The following MAPK1IP1L variants were observed in gnomAD, a reference collection of about 807,000 sequenced individuals.
MAPK1IP1L encodes MAPK-interacting and spindle-stabilizing protein-like.
MAPK1IP1L carries 10 observed loss-of-function variants against 18.1 expected under a neutral mutation model. The ratio of observed to expected loss-of-function variants is 0.55; its 90% CI spans 0.34 to 0.94. MAPK1IP1L has a LOEUF of 0.94. Among genes scored for constraint, MAPK1IP1L ranks in the 40% least tolerant of loss-of-function variants. The pLI, the probability that MAPK1IP1L is intolerant of heterozygous loss-of-function variation, is 0.02. For missense variants in MAPK1IP1L, 260 were observed against 318.2 expected (o/e 0.82, Z 1.39); for synonymous variants, 115 against 117.3 (o/e 0.98, Z 0.13).
chr14:55,062,789 T>G lies in MAPK1IP1L; in HGVS notation c.190T>G (p.Phe64Val). 6.2e-7 allele frequency: 1 copy of G among 1,614,114 alleles called. No homozygotes were observed. Among genetic ancestry groups the G allele is most frequent in the Non-Finnish European group, 8.5e-7 (1 of 1,180,008 alleles). Reference protein sequence around the residue: ...PPSATPSTVPFGPAPTGMYPS... With the variant: ...PPSATPSTVPVGPAPTGMYPS... ...AAGTGCAACACCCTCCACTGTGCCT[T>G]TTGGACCAGCACCAACAGGAATGTA... Residue 64 changes from phenylalanine to valine, a missense_variant, in exon 3 of 4, where the codon TTT (phenylalanine) becomes GTT (valine). By Grantham distance (50) the Phe-to-Val change is conservative (BLOSUM62 -1). Transcript: ENST00000395468.
rs1461144103 is a variant in MAPK1IP1L at position 55,066,106 on chromosome 14, G to T, written c.*1479G>T. 6.6e-6 allele frequency: 1 copy of T among 152,108 alleles called. No homozygotes were observed. Among genetic ancestry groups the T allele is most frequent in the Non-Finnish European group, 1.5e-5 (1 of 67,994 alleles). The allele number at this position is 152,108 out of a possible 1,614,324, so 9.4% of individuals were successfully genotyped here. A position where few individuals can be genotyped will look rare whatever the true frequency, so the allele number is the denominator to read the frequency against. ...AATGTATCCATTGGATTTCTAAAAT[G>T]TATTGTGAATTTCTCAGACAAACAG... On this transcript the variant is annotated 3_prime_UTR_variant, in exon 4 of 4. Transcript: ENST00000395468.
chr14:55,060,296 C>G (rs1221337899), intron 1 of MAPK1IP1L: 1 of 150,750 alleles, frequency 6.6e-6, no homozygotes. Flanking sequence ...CTCAGCCTCC[C>G]AAGTAGCTGG....
rs919749230 is a variant in MAPK1IP1L, at chr14:55,067,416, C to A, written c.*2789C>A. On this transcript the variant is annotated 3_prime_UTR_variant, in exon 4 of 4. Coordinates refer to ENST00000395468, the MANE Select transcript of MAPK1IP1L (RefSeq NM_144578.4). The stretch of plus-strand genomic sequence containing the variant: ...TCAAGAAAGGCTTTTTTCCTTTTTT[C>A]TTTTTTTTTTGGAGACAGAGTCTTG... The A allele has an allele frequency of 2.0e-5, 3 of 146,464 alleles. No homozygotes were observed. The highest frequency in any genetic ancestry group is 3.0e-5 in the Non-Finnish European group (2 of 65,970). The allele number at this position is 146,464 out of a possible 1,614,324, so 9.1% of individuals were successfully genotyped here.
At chr14:55,062,254 C>T (rs1374012742) in intron 2 of MAPK1IP1L, among the ~76,000 whole-genome samples, 1 of 152,216 alleles carries the variant, frequency 6.6e-6, no homozygotes, top group Non-Finnish European at 1.5e-5. Flanking sequence ...GAGGCTCTAT[C>T]TCAGAGTATG....
At chr14:55,054,044 C>G (rs2042750997) in intron 1 of MAPK1IP1L, among the ~76,000 whole-genome samples, 1 of 151,862 alleles carries the variant, frequency 6.6e-6, no homozygotes, top group Non-Finnish European at 1.5e-5. Context: ...TGGTGGCACT[C>G]AAAAAGATTC....
chr14:55,053,518 T>G (rs991749844), intron 1 of MAPK1IP1L, among the ~76,000 whole-genome samples: 2 of 152,254 alleles, frequency 1.3e-5, no homozygotes, highest in South Asian at 2.1e-4. Context: ...TTTTTTAAAC[T>G]GCGTGCTTTT....
chr14:55,056,624 C>T (rs1337044277), intron 1 of MAPK1IP1L, among the ~76,000 whole-genome samples: 1 of 152,190 alleles, frequency 6.6e-6, no homozygotes, highest in Non-Finnish European at 1.5e-5. Flanking sequence ...ATTCTCTTGC[C>T]TCAGCCTCCT....
At chr14:55,052,554 C>T (rs2042739059) in intron 1 of MAPK1IP1L, among the ~76,000 whole-genome samples, 1 of 152,092 alleles carries the variant, frequency 6.6e-6, no homozygotes, top group Admixed American at 6.5e-5. Context: ...GGTAAAGATT[C>T]CAGTGTTAAA....
At chr14:55,058,559 G>A (rs902402379) in intron 1 of MAPK1IP1L, among the ~76,000 whole-genome samples, 9 of 152,136 alleles carry the variant, frequency 5.9e-5, no homozygotes, top group East Asian at 3.9e-4. Flanking sequence ...AGCCGGGTGC[G>A]GTGGCTCATG....
At chr14:55,061,599 G>T in intron 1 of MAPK1IP1L, 81 bp from the exon 2 acceptor site, 1 of 973,264 alleles carries the variant, frequency 1.0e-6, no homozygotes, top group Non-Finnish European at 1.5e-6. Context: ...TGCATAGAAA[G>T]TTCCTTAAGG....
Position 55,051,777 on chromosome 14 carries a change from C to G in MAPK1IP1L, c.-31C>G, listed in dbSNP as rs1289014178. 1 of 508,286 alleles carries G rather than the reference C, an allele frequency of 2.0e-6. No individual in the cohort carries two copies. The highest frequency in any genetic ancestry group is 3.9e-6 in the Non-Finnish European group (1 of 255,688). 31.5% of individuals were successfully genotyped at this position (508,286 alleles called of 1,614,324 possible). ...CCTCGGACCCATCGCCGCTTCTAGA[C>G]CCTACTGCGGTCTCGGATATTGCCG... On this transcript the variant is annotated 5_prime_UTR_variant, in exon 1 of 4. Coordinates refer to ENST00000395468, the MANE Select transcript of MAPK1IP1L (RefSeq NM_144578.4).
intron 1 of MAPK1IP1L, among the ~76,000 whole-genome samples, chr14:55,055,879 A>G (rs550158085): frequency 6.6e-6 from 1 of 152,306 alleles, no homozygotes; most frequent in East Asian, 1.9e-4. Flanking sequence ...GCAGTGAGTC[A>G]AGATCACACT....
At chr14:55,062,407 T>G (rs895508663) in intron 2 of MAPK1IP1L, among the ~76,000 whole-genome samples, 4 of 152,244 alleles carry the variant, frequency 2.6e-5, no homozygotes, top group African/African-American at 9.6e-5. Context: ...CGAGTTTCTC[T>G]GAAGAATTTG....
chr14:55,064,503 G>C lies in MAPK1IP1L; in HGVS notation c.727-113G>C, dbSNP rs576536182. ...CAAAGTGTATGCCAGAGTAAATGAT[G>C]TGACTTGCTGTTTGGATTTATTAAG... On this transcript the variant is annotated intron_variant, in intron 3 of 3. Transcript: ENST00000395468. 6.0e-6 allele frequency: 5 copies of C among 837,092 alleles called. No homozygotes were observed. The African/African-American group carries it at 8.5e-5, about 14-fold the overall frequency. 51.9% of individuals were successfully genotyped at this position (837,092 alleles called of 1,614,324 possible).
rs113594779 is a variant in MAPK1IP1L at position 55,055,431 on chromosome 14, C to T, written c.-5+3628C>T. On this transcript the variant is annotated intron_variant, in intron 1 of 3. Coordinates refer to ENST00000395468, the MANE Select transcript of MAPK1IP1L (RefSeq NM_144578.4). ...TGTTCCCCCTTATCCTAGGGGGACACATTGCAAGACTCCCCAATGAATCCC... is the reference window on the plus strand; with the variant it reads ...TGTTCCCCCTTATCCTAGGGGGACATATTGCAAGACTCCCCAATGAATCCC... Among the ~76,000 whole-genome samples the T allele has an allele frequency of 8.5e-5, 13 of 152,272 alleles. 1 individual carries two copies. The highest frequency in any genetic ancestry group is 2.9e-4 in the African/African-American group (12 of 41,556).
intron 1 of MAPK1IP1L, among the ~76,000 whole-genome samples, chr14:55,058,605 C>T (rs974681399): frequency 1.1e-4 from 17 of 152,060 alleles, no homozygotes; most frequent in African/African-American, 3.1e-4. Context: ...CTGAGGCGGG[C>T]GGATCACGTG....
intron 1 of MAPK1IP1L, among the ~76,000 whole-genome samples, chr14:55,061,307 A>C (rs1398191725): frequency 6.6e-6 from 1 of 152,210 alleles, no homozygotes; most frequent in African/African-American, 2.4e-5. Flanking sequence ...ATTTTAGATA[A>C]ATTTATCTGT....
At position 55,065,589 on chromosome 14, in the gene MAPK1IP1L, A is replaced by G. The variant is rs2042856379; in HGVS notation, c.*962A>G. On this transcript the variant is annotated 3_prime_UTR_variant, in exon 4 of 4. Transcript: ENST00000395468. ...GCCCTTGGTTCTTTAGAAGGAGCAC[A>G]CACATCCCTTGATTCCTCCCTGATG... The G allele has an allele frequency of 6.6e-6, 1 of 152,164 alleles. No homozygotes were observed. The allele number at this position is 152,164 out of a possible 1,614,324, so 9.4% of individuals were successfully genotyped here.
At chr14:55,061,800 C>A in intron 2 of MAPK1IP1L, 99 bp downstream of exon 2, 1 of 973,892 alleles carries the variant, frequency 1.0e-6, no homozygotes, top group Non-Finnish European at 1.5e-6. Flanking sequence ...AAAAGAGATG[C>A]TTTAACCAGG....
Sources: allele counts gnomAD v4.1 joint callset (sites outside exome capture counted in the v4.1 genomes callset), GRCh38; gene constraint gnomAD v4.1.1; transcripts MANE v1.5; gene names NCBI Gene and HGNC (gene_info 2026-07-23, HGNC 2026-07-21).